SLC7A14: variants seen among roughly 807,000 people sequenced by gnomAD.
The protein encoded by SLC7A14 is gamma-aminobutyric acid transporter SLC7A14.
Under a neutral mutation model 60.2 loss-of-function variants are expected in SLC7A14, and 37 were observed. That is an observed-to-expected ratio of 0.61 (90% CI 0.47 to 0.81). The LOEUF (loss-of-function observed/expected upper bound fraction) is 0.81, where lower values mean the gene tolerates loss of function less well. SLC7A14 is among the 30% of genes least tolerant of loss of function. The pLI, the probability that SLC7A14 is intolerant of heterozygous loss-of-function variation, is 0.00. For missense variants in SLC7A14, 886 were observed against 982.7 expected (o/e 0.90, Z 1.32); for synonymous variants, 399 against 395.8 (o/e 1.01, Z -0.10).
At chr3:170,565,384 A>C (rs1041052975) in intron 1 of SLC7A14, among the ~76,000 whole-genome samples, 4 of 152,218 alleles carry the variant, frequency 2.6e-5, no homozygotes, top group African/African-American at 4.8e-5. Flanking sequence ...GGATTTGAGC[A>C]GGCTAAAGTT....
At chr3:170,496,510 T>A in intron 4 of SLC7A14, 1 of 1,517,712 alleles carries the variant, frequency 6.6e-7, no homozygotes, top group Non-Finnish European at 9.1e-7. Context: ...GAGGCCGCCC[T>A]GCAGCGGGCC....
At chr3:170,482,720 G>T (rs1322101071) in intron 6 of SLC7A14, among the ~76,000 whole-genome samples, 1 of 152,198 alleles carries the variant, frequency 6.6e-6, no homozygotes, top group African/African-American at 2.4e-5. Flanking sequence ...TGAGGGATTT[G>T]TGGCAATTTT....
intron 7 of SLC7A14, among the ~76,000 whole-genome samples, chr3:170,474,945 C>T (rs573172790): frequency 2.6e-5 from 4 of 152,276 alleles, no homozygotes; most frequent in African/African-American, 4.8e-5. Context: ...ACAGCAGGCC[C>T]GAAGGATGCC....
chr3:170,534,832 T>A (rs1713789706), intron 1 of SLC7A14, among the ~76,000 whole-genome samples: 1 of 152,228 alleles, frequency 6.6e-6, no homozygotes, highest in Non-Finnish European at 1.5e-5. Flanking sequence ...GGGACAATAT[T>A]TCTACTGACA....
chr3:170,479,381 A>G (rs1020232109), intron 7 of SLC7A14, among the ~76,000 whole-genome samples: 1 of 152,154 alleles, frequency 6.6e-6, no homozygotes, highest in Non-Finnish European at 1.5e-5. Flanking sequence ...CTTCCATTAC[A>G]CTTCTCAAGT....
At chr3:170,512,909 G>A (rs141513562) in intron 2 of SLC7A14, among the ~76,000 whole-genome samples, 163 of 152,184 alleles carry the variant, frequency 1.1e-3, no homozygotes, top group Middle Eastern at 3.4e-3. Context: ...ATTTTATGGC[G>A]TGAGTGTTGC....
At chr3:170,481,663 G>C (rs1711828200) in intron 6 of SLC7A14, among the ~76,000 whole-genome samples, 1 of 152,148 alleles carries the variant, frequency 6.6e-6, no homozygotes, top group African/African-American at 2.4e-5. Flanking sequence ...GCCTCCCAGA[G>C]TGTTGGGATT....
intron 1 of SLC7A14, among the ~76,000 whole-genome samples, chr3:170,528,349 G>A (rs191972740): frequency 8.0e-4 from 122 of 152,302 alleles, no homozygotes; most frequent in Non-Finnish European, 1.4e-3. Context: ...GAAGCCGGAA[G>A]CTGGAGAAAA....
intron 4 of SLC7A14, among the ~76,000 whole-genome samples, chr3:170,489,555 G>A (rs1041643483): frequency 2.6e-5 from 4 of 152,128 alleles, no homozygotes; most frequent in African/African-American, 9.7e-5. Context: ...CTGAAAATTG[G>A]GCTACCATAT....
chr3:170,498,921 G>A (rs1389961186), intron 3 of SLC7A14, 37 bp from the exon 4 acceptor site: 2 of 1,603,066 alleles, frequency 1.2e-6, no homozygotes, highest in Non-Finnish European at 1.7e-6. Flanking sequence ...TTGTCTGGAG[G>A]GAAGAAAGGG....
At chr3:170,543,781 G>C (rs1179647440) in intron 1 of SLC7A14, among the ~76,000 whole-genome samples, 2 of 128,072 alleles carry the variant, frequency 1.6e-5, no homozygotes, top group Non-Finnish European at 1.6e-5. Context: ...ATGGAGTCTT[G>C]CTCTGTTGCC....
At chr3:170,528,410 T>G (rs916481221) in intron 1 of SLC7A14, among the ~76,000 whole-genome samples, 7 of 152,230 alleles carry the variant, frequency 4.6e-5, no homozygotes, top group Non-Finnish European at 1.0e-4. Context: ...ATAGAATTTT[T>G]GAAGTATAGC....
chr3:170,550,512 A>ATTTTTTTTTTATTTTTTTTTTT (rs1714313028), intron 1 of SLC7A14, among the ~76,000 whole-genome samples: 1 of 60,602 alleles, frequency 1.7e-5, no homozygotes, highest in Non-Finnish European at 2.8e-5. Context: ...CTTTCCTTGA[A>ATTTTTTTTTTATTTTTTTTTTT]TTTTTTTTTT....
chr3:170,554,883 T>C (rs1437406277), intron 1 of SLC7A14, among the ~76,000 whole-genome samples: 1 of 152,096 alleles, frequency 6.6e-6, no homozygotes, highest in Non-Finnish European at 1.5e-5. Context: ...AAATATTGCT[T>C]GTGGGACGGG....
chr3:170,534,402 A>G (rs189837082), intron 1 of SLC7A14, among the ~76,000 whole-genome samples: 54 of 152,258 alleles, frequency 3.5e-4, no homozygotes, highest in Admixed American at 1.8e-3. Flanking sequence ...ACCAAGCCCA[A>G]AGTTAGTGGG....
At chr3:170,575,198 T>A (rs1715056591) in intron 1 of SLC7A14, among the ~76,000 whole-genome samples, 2 of 152,250 alleles carry the variant, frequency 1.3e-5, no homozygotes, top group African/African-American at 4.8e-5. Flanking sequence ...ATCTCTTATG[T>A]GCTCTGTGTG....
rs1011107567 is a variant in SLC7A14, at chr3:170,480,735, A to C, written c.1547T>G (p.Met516Arg). Residue 516 changes from methionine to arginine, a missense_variant, in exon 7 of 8, where the codon ATG (methionine) becomes AGG (arginine). By Grantham distance (91) the Met-to-Arg change is moderately conservative. Transcript: ENST00000231706. ...TTCATCAGCTTCTATGCCTGTGGTC[A>C]TGTCCACGGTGCCGTAATTGGGGTG... ...VNHPNYGTVD[M>R]TTGIEADESE... The C allele has an allele frequency of 1.2e-6, 2 of 1,614,206 alleles. No individual in the cohort carries two copies. The highest frequency in any genetic ancestry group is 3.3e-4 in the Middle Eastern group (2 of 6,062).
chr3:170,486,202 C>G lies in SLC7A14; in HGVS notation c.906+20G>C. The G allele has an allele frequency of 6.2e-7, 1 of 1,613,226 alleles. No homozygotes were observed. Among genetic ancestry groups the G allele is most frequent in the Non-Finnish European group, 8.5e-7 (1 of 1,179,660 alleles). On this transcript the variant is annotated intron_variant, in intron 5 of 7. Transcript: ENST00000231706. ...CAGGGCCACATCGTGAGGAGGGTCC[C>G]GCAAGCATCTGGTACTTACAGACAC...
Position 170,560,379 on chromosome 3 carries a change from A to T in SLC7A14, c.-153+25532T>A, listed in dbSNP as rs1431425953. Among the ~76,000 whole-genome samples, 3 of 152,218 alleles carry T rather than the reference A, an allele frequency of 2.0e-5. No homozygotes were observed. In the East Asian group the frequency reaches 5.8e-4, roughly 29 times the overall value. ...GATTAGTATAAATAATATGTATTTT[A>T]AAATTCCTACAGATGTATAAGAAAA... On this transcript the variant is annotated intron_variant, in intron 1 of 7. Coordinates refer to ENST00000231706, the MANE Select transcript of SLC7A14 (RefSeq NM_020949.3).
Sources: allele counts gnomAD v4.1 joint callset (sites outside exome capture counted in the v4.1 genomes callset), GRCh38; gene constraint gnomAD v4.1.1; transcripts MANE v1.5; gene names NCBI Gene and HGNC (gene_info 2026-07-23, HGNC 2026-07-21).